The following ALK variants were observed in gnomAD, a reference collection of about 807,000 sequenced individuals.
ALK encodes the protein ALK tyrosine kinase receptor.
Under a neutral mutation model 163.1 loss-of-function variants are expected in ALK, and 74 were observed. The observed-to-expected ratio is 0.45, with a 90% CI of 0.38 to 0.55. ALK has a LOEUF of 0.55. Among genes scored for constraint, ALK ranks in the 20% least tolerant of loss-of-function variants. The pLI, the probability that ALK is intolerant of heterozygous loss-of-function variation, is 0.00. For missense variants in ALK, 2,063 were observed against 2,105.3 expected (o/e 0.98, Z 0.39); for synonymous variants, 960 against 843.2 (o/e 1.14, Z -2.40).
intron 11 of ALK, among the ~76,000 whole-genome samples, chr2:29,269,913 C>T (rs769007149): frequency 3.3e-5 from 5 of 152,292 alleles, no homozygotes; most frequent in Admixed American, 2.0e-4. Flanking sequence ...CTTACATGTG[C>T]GTGGGAACAC....
intron 1 of ALK, among the ~76,000 whole-genome samples, chr2:29,728,132 T>C (rs182783960): frequency 4.8e-4 from 73 of 152,040 alleles, no homozygotes; most frequent in African/African-American, 1.7e-3. Context: ...AAAAAAAAAA[T>C]CACTGAGAAA....
chr2:29,759,356 C>T (rs947236841), intron 1 of ALK, among the ~76,000 whole-genome samples: 1 of 152,178 alleles, frequency 6.6e-6, no homozygotes, highest in African/African-American at 2.4e-5. Context: ...ATACCATTGA[C>T]TGAGACCTCC....
At position 29,227,719 on chromosome 2, in the gene ALK, A is replaced by C; in HGVS notation, c.2816-47T>G. 1 of 1,447,314 alleles carries C rather than the reference A, an allele frequency of 6.9e-7. No individual in the cohort carries two copies. Among genetic ancestry groups the C allele is most frequent in the Non-Finnish European group, 9.7e-7 (1 of 1,029,358 alleles). The allele number at this position is 1,447,314 out of a possible 1,614,324, so 89.7% of individuals were successfully genotyped here. A position where few individuals can be genotyped will look rare whatever the true frequency, so the allele number is the denominator to read the frequency against. On this transcript the variant is annotated intron_variant, in intron 16 of 28. Coordinates refer to ENST00000389048, the MANE Select transcript of ALK (RefSeq NM_004304.5). The surrounding 1 kb of genome is among the most constrained non-coding windows in gnomAD (Gnocchi z 4.4). Reference sequence around the variant, plus strand: ...AGTTTAACATGGGGGGTGGGTGCCAAAATCTTAACACACACACACGTCAGT... The same window carrying C: ...AGTTTAACATGGGGGGTGGGTGCCACAATCTTAACACACACACACGTCAGT...
chr2:29,335,852 C>T (rs1197161137), intron 5 of ALK, among the ~76,000 whole-genome samples: 1 of 151,990 alleles, frequency 6.6e-6, no homozygotes, highest in East Asian at 1.9e-4. Context: ...CCAGCCTGAC[C>T]AACATAGTGA....
At chr2:29,466,819 G>A (rs1671224660) in intron 4 of ALK, among the ~76,000 whole-genome samples, 1 of 152,216 alleles carries the variant, frequency 6.6e-6, no homozygotes, top group Admixed American at 6.5e-5. Context: ...TTGGTAACTT[G>A]TCTGCAAGAC....
chr2:29,760,363 G>A (rs574143853), intron 1 of ALK, among the ~76,000 whole-genome samples: 10 of 152,270 alleles, frequency 6.6e-5, no homozygotes, highest in African/African-American at 2.4e-4. Flanking sequence ...TTCTTCATTT[G>A]TAATATGGCT....
chr2:29,600,873 C>A (rs1675363859), intron 3 of ALK, among the ~76,000 whole-genome samples: 1 of 152,076 alleles, frequency 6.6e-6, no homozygotes, highest in Non-Finnish European at 1.5e-5. Context: ...ACTTGGAGGA[C>A]CATGAAAGGG....
chr2:29,659,785 A>G (rs939906057), intron 3 of ALK, among the ~76,000 whole-genome samples: 2 of 152,134 alleles, frequency 1.3e-5, no homozygotes, highest in Non-Finnish European at 2.9e-5. Flanking sequence ...AGACCGGATA[A>G]TGTTTAAAGA....
chr2:29,810,423 A>C (rs1664727727), intron 1 of ALK, among the ~76,000 whole-genome samples: 1 of 133,436 alleles, frequency 7.5e-6, no homozygotes, highest in Admixed American at 7.5e-5. Flanking sequence ...ACTCCATCTC[A>C]AAAAAAAAAA....
intron 4 of ALK, among the ~76,000 whole-genome samples, chr2:29,479,497 C>G (rs1671609730): frequency 6.6e-6 from 1 of 152,212 alleles, no homozygotes; most frequent in Admixed American, 6.5e-5. Flanking sequence ...TTTCTCTTAA[C>G]TAAATTGAAG....
chr2:29,320,960 C>T (rs895098225), intron 6 of ALK, 78 bp from the exon 7 acceptor site: 123 of 1,557,332 alleles, frequency 7.9e-5, no homozygotes, highest in East Asian at 1.6e-4. Context: ...TCGAATTAGC[C>T]AGGCATGACC....
At chr2:29,815,484 C>G (rs749685878) in intron 1 of ALK, among the ~76,000 whole-genome samples, 2 of 152,112 alleles carry the variant, frequency 1.3e-5, no homozygotes, top group Admixed American at 6.5e-5. Context: ...GGCACTGGGA[C>G]TCTGCGCCGG....
chr2:29,889,666 A>G (rs1304728868), intron 1 of ALK, among the ~76,000 whole-genome samples: 1 of 148,754 alleles, frequency 6.7e-6, no homozygotes, highest in Non-Finnish European at 1.5e-5. Context: ...TGGAATATCT[A>G]TCTATCTGTA....
At chr2:29,894,093 G>T (rs935122528) in intron 1 of ALK, among the ~76,000 whole-genome samples, 14 of 152,170 alleles carry the variant, frequency 9.2e-5, no homozygotes. Flanking sequence ...CAAGTTGAAA[G>T]GGGTGTCAAG....
chr2:29,818,827 C>T (rs11887209), intron 1 of ALK, among the ~76,000 whole-genome samples: 1,799 of 152,348 alleles, frequency 0.012, 32 homozygotes, highest in African/African-American at 0.04. Context: ...TGGTTCTGCA[C>T]TCTAGCTGCA....
At chr2:29,657,341 C>T (rs6715446) in intron 3 of ALK, among the ~76,000 whole-genome samples, 25,564 of 152,050 alleles carry the variant, frequency 0.17, 5,248 homozygotes, top group African/African-American at 0.49. Flanking sequence ...AGAAGCATGA[C>T]TCCGAATATG....
Position 29,920,532 on chromosome 2 carries a change from G to A in ALK, c.128C>T (p.Pro43Leu), listed in dbSNP as rs78378278. 2.4e-5 allele frequency: 39 copies of A among 1,609,680 alleles called. No individual in the cohort carries two copies. The highest frequency in any genetic ancestry group is 3.1e-5 in the Non-Finnish European group (37 of 1,178,844). ...AAGPPLQPRE[P>L]LSYSRLQRKS... Reference sequence around the variant, plus strand: ...CCTCTGCAGGCGCGAGTAGCTGAGTGGCTCCCGGGGCTGCAGCGGCGGCCC... The same window carrying A: ...CCTCTGCAGGCGCGAGTAGCTGAGTAGCTCCCGGGGCTGCAGCGGCGGCCC... The change falls in exon 1 of 29, where the codon CCA becomes CTA. Residue 43 changes from proline to leucine, a missense_variant. This residue lies in a region of ALK where 987 missense variants were observed against 939.5 expected (regional missense o/e 1.05). Transcript: ENST00000389048.
intron 4 of ALK, among the ~76,000 whole-genome samples, chr2:29,411,985 T>C (rs534427191): frequency 1.1e-4 from 17 of 152,332 alleles, no homozygotes; most frequent in Admixed American, 2.0e-4. Context: ...GTCTTAGATG[T>C]TGTAATCCTT....
At chr2:29,291,881 A>G (rs1666033644) in intron 9 of ALK, among the ~76,000 whole-genome samples, 1 of 152,238 alleles carries the variant, frequency 6.6e-6, no homozygotes, top group African/African-American at 2.4e-5. Context: ...GAAAGATGCT[A>G]CACAAAGGGA....
Sources: gnomAD v4.1 joint callset for allele counts (sites outside exome capture counted in the v4.1 genomes callset) on GRCh38, gnomAD v4.1.1 for gene constraint, gnomAD v4.1.1 regional missense constraint, Gnocchi (gnomAD v3.1) non-coding constraint, MANE v1.5 for transcripts, NCBI Gene and HGNC (gene_info 2026-07-23, HGNC 2026-07-21) for gene names.